INSL6: variants seen among roughly 807,000 people sequenced by gnomAD.
INSL6 encodes insulin-like peptide INSL6.
INSL6 carries 16 observed loss-of-function variants against 9.4 expected under a neutral mutation model. That is an observed-to-expected ratio of 1.70 (90% CI 1.15 to 2.59). INSL6 has a LOEUF of 2.59. Ranked by LOEUF, INSL6 falls within the 30% of genes most tolerant of loss-of-function variation. INSL6 has a pLI of 0.00. For missense variants in INSL6, 391 were observed against 257.3 expected (o/e 1.52, Z -3.56); for synonymous variants, 154 against 96.9 (o/e 1.59, Z -3.46).
intron 3 of INSL6, among the ~76,000 whole-genome samples, chr9:5,131,156 C>T (rs79341710): frequency 0.1 from 15,247 of 152,112 alleles, 2,298 homozygotes; most frequent in African/African-American, 0.34. Flanking sequence ...CCTAACAAGG[C>T]ACTCAATAAT....
At chr9:5,090,514 CAT>C in the INSL6 span, 2 of 1,591,888 alleles carry the variant, frequency 1.3e-6, no homozygotes, top group Non-Finnish European at 1.7e-6. Context: ...TCTTCAAAAA[CAT>C]AAAGAACGGA....
the INSL6 span, among the ~76,000 whole-genome samples, chr9:5,010,301 T>G: frequency 6.6e-6 from 1 of 152,178 alleles, no homozygotes; most frequent in Non-Finnish European, 1.5e-5. Flanking sequence ...ACACCGTTAT[T>G]ATTCATGCTT....
At chr9:5,035,098 T>C in the INSL6 span, among the ~76,000 whole-genome samples, 1 of 152,166 alleles carries the variant, frequency 6.6e-6, no homozygotes, top group Non-Finnish European at 1.5e-5. Flanking sequence ...GAGAATACTA[T>C]AAACACCTCT....
intron 1 of INSL6, among the ~76,000 whole-genome samples, chr9:5,175,408 C>T (rs1825275882): frequency 1.3e-5 from 2 of 152,208 alleles, no homozygotes; most frequent in Non-Finnish European, 2.9e-5. Context: ...ATTCTCAACA[C>T]AGTAGCCAGA....
At chr9:5,168,477 T>C (rs1825106595) in intron 1 of INSL6, among the ~76,000 whole-genome samples, 1 of 151,058 alleles carries the variant, frequency 6.6e-6, no homozygotes. Context: ...GAAGAAAAAA[T>C]ATCAGAGCTT....
the INSL6 span, among the ~76,000 whole-genome samples, chr9:5,069,636 A>C: frequency 6.6e-6 from 1 of 152,144 alleles, no homozygotes; most frequent in Non-Finnish European, 1.5e-5. Context: ...GTATGAGTTA[A>C]GGAAGTTACT....
intron 2 of INSL6, among the ~76,000 whole-genome samples, chr9:5,141,245 G>A (rs528209136): frequency 6.6e-6 from 1 of 152,104 alleles, no homozygotes; most frequent in Admixed American, 6.5e-5. Context: ...TGGATCAAAT[G>A]GTATTTCTGC....
At chr9:5,137,525 T>C (rs1430456432) in intron 2 of INSL6, among the ~76,000 whole-genome samples, 1 of 152,162 alleles carries the variant, frequency 6.6e-6, no homozygotes, top group East Asian at 1.9e-4. Flanking sequence ...GTGGGAAAAT[T>C]GGCTAGCCAT....
chr9:5,126,813 G>T, intron 3 of INSL6: 1 of 1,432,660 alleles, frequency 7.0e-7, no homozygotes, highest in South Asian at 1.2e-5. Context: ...TTCATTCTGA[G>T]ACCAAAGTAG....
the INSL6 span, among the ~76,000 whole-genome samples, chr9:5,036,002 C>A: frequency 2.6e-5 from 4 of 152,206 alleles, no homozygotes; most frequent in African/African-American, 9.6e-5. Context: ...AGCCCAAAAT[C>A]TCCTTAAGCT....
At chr9:5,055,338 T>C in the INSL6 span, among the ~76,000 whole-genome samples, 1 of 152,020 alleles carries the variant, frequency 6.6e-6, no homozygotes. Context: ...TTACTAGAGA[T>C]TTAGAGGGAT....
the INSL6 span, among the ~76,000 whole-genome samples, chr9:5,027,797 A>G: frequency 6.6e-6 from 1 of 152,242 alleles, no homozygotes; most frequent in Non-Finnish European, 1.5e-5. Flanking sequence ...TTGCTCATCC[A>G]TAAAAAGCAA....
intron 1 of INSL6, among the ~76,000 whole-genome samples, chr9:5,175,106 A>AT (rs1825268680): frequency 6.6e-6 from 1 of 151,834 alleles, no homozygotes; most frequent in South Asian, 2.1e-4. Context: ...CGCCCAGCAA[A>AT]TTTTTTGTGT....
the INSL6 span, among the ~76,000 whole-genome samples, chr9:5,003,633 A>T: frequency 6.6e-6 from 1 of 152,204 alleles, no homozygotes; most frequent in African/African-American, 2.4e-5. Context: ...CTACATATAC[A>T]GACATGTCCT....
chr9:5,085,356 C>T, the INSL6 span: 1 of 901,022 alleles, frequency 1.1e-6, no homozygotes, highest in South Asian at 1.3e-5. Context: ...TTTTTCCGTA[C>T]TGATAGGTGA....
At chr9:5,135,220 C>T (rs1251546605) in intron 2 of INSL6, among the ~76,000 whole-genome samples, 1 of 152,028 alleles carries the variant, frequency 6.6e-6, no homozygotes, top group Non-Finnish European at 1.5e-5. Flanking sequence ...ACTTACACTC[C>T]CACATAATAA....
chr9:5,041,230 G>T, the INSL6 span: 1 of 1,471,078 alleles, frequency 6.8e-7, no homozygotes, highest in South Asian at 1.2e-5. Flanking sequence ...GGCGCCCGGG[G>T]ACCAAGCGGC....
the INSL6 span, among the ~76,000 whole-genome samples, chr9:5,103,806 C>G: frequency 6.6e-6 from 1 of 152,082 alleles, no homozygotes; most frequent in South Asian, 2.1e-4. Context: ...ACAACCTGCT[C>G]CTGAATGACT....
chr9:5,059,930 T>A, the INSL6 span, among the ~76,000 whole-genome samples: 1 of 152,318 alleles, frequency 6.6e-6, no homozygotes, highest in East Asian at 1.9e-4. Context: ...CTCTATAGAT[T>A]CTAAGTCTTT....
Sources: allele counts gnomAD v4.1 joint callset (sites outside exome capture counted in the v4.1 genomes callset), GRCh38; gene constraint gnomAD v4.1.1; transcripts MANE v1.5; gene names NCBI Gene and HGNC (gene_info 2026-07-23, HGNC 2026-07-21).